Variants in GRID2 observed in about 807,000 individuals in gnomAD.
The protein encoded by GRID2 is glutamate ionotropic receptor delta type subunit 2.
GRID2 carries 33 observed loss-of-function variants against 114.8 expected under a neutral mutation model. The ratio of observed to expected loss-of-function variants is 0.29; its 90% CI spans 0.22 to 0.38. GRID2 has a LOEUF of 0.38. GRID2 is among the 10% of genes least tolerant of loss of function. The pLI is 1.00. For synonymous variants in GRID2, 505 were observed against 449.9 expected, an observed-to-expected ratio of 1.12 and a Z score of -1.55; for missense variants, 1,184 against 1,257.7, an observed-to-expected ratio of 0.94 and a Z score of 0.89.
At chr4:93,522,222 G>T (rs1215635776) in intron 13 of GRID2, among the ~76,000 whole-genome samples, 1 of 152,134 alleles carries the variant, frequency 6.6e-6, no homozygotes, top group African/African-American at 2.4e-5. Flanking sequence ...TTGACTGCTT[G>T]TATTATATTT....
chr4:93,152,244 T>G (rs1266961692), intron 4 of GRID2, among the ~76,000 whole-genome samples: 1 of 152,146 alleles, frequency 6.6e-6, no homozygotes, highest in Non-Finnish European at 1.5e-5. Context: ...TATCTAATTC[T>G]TTGTTTACTA....
chr4:93,192,747 CAAAAAAAA>C (rs775968274), intron 4 of GRID2, among the ~76,000 whole-genome samples: 5 of 43,750 alleles, frequency 1.1e-4, no homozygotes, highest in African/African-American at 4.0e-4. Context: ...AACTCCATCT[CAAAAAAAA>C]AAAAAAAAAA....
rs146876132 is a variant in GRID2 at position 93,071,176 on chromosome 4, G to A, written c.245-13819G>A. Among the ~76,000 whole-genome samples the A allele has an allele frequency of 3.3e-5, 5 of 152,146 alleles. No individual in the cohort carries two copies. The East Asian group carries it at 7.7e-4, about 24-fold the overall frequency. On this transcript the variant is annotated intron_variant, in intron 2 of 15. Transcript: ENST00000282020. ...ATTTAGGGATCTTCTTTATCAGCAG[G>A]AGTGGATTATTTCTGTAAAAAAAGT...
intron 2 of GRID2, among the ~76,000 whole-genome samples, chr4:92,628,688 T>C (rs1304688825): frequency 6.6e-6 from 1 of 152,020 alleles, no homozygotes. Flanking sequence ...TTTCAGCAAA[T>C]ACTTTTGTTT....
At chr4:93,120,969 ATAAAT>A (rs992113744) in intron 4 of GRID2, among the ~76,000 whole-genome samples, 7 of 152,232 alleles carry the variant, frequency 4.6e-5, no homozygotes, top group South Asian at 4.1e-4. Context: ...TATAAATAAA[ATAAAT>A]TAAAATAAAT....
At chr4:92,318,310 T>TATATATA (rs1726112902) in intron 1 of GRID2, among the ~76,000 whole-genome samples, 68 of 74,378 alleles carry the variant, frequency 9.1e-4, no homozygotes, top group South Asian at 1.9e-3. Flanking sequence ...ATATATATAT[T>TATATATA]TTTTTTTTTT....
intron 1 of GRID2, among the ~76,000 whole-genome samples, chr4:92,440,581 T>C (rs1384415437): frequency 6.6e-6 from 1 of 151,964 alleles, no homozygotes; most frequent in Non-Finnish European, 1.5e-5. Context: ...GATGGAACAC[T>C]GAGAAGTTAT....
intron 8 of GRID2, among the ~76,000 whole-genome samples, chr4:93,364,579 C>A (rs532231679): frequency 1.3e-5 from 2 of 152,088 alleles, no homozygotes; most frequent in African/African-American, 2.4e-5. Context: ...TCAAGCAATC[C>A]TCCCACCTCA....
intron 1 of GRID2, among the ~76,000 whole-genome samples, chr4:92,393,797 A>G (rs1560604254): frequency 6.6e-6 from 1 of 152,130 alleles, no homozygotes; most frequent in South Asian, 2.1e-4. Flanking sequence ...AGCTAACTCG[A>G]TGTTCATTTT....
chr4:92,756,309 T>C (rs1196288221), intron 2 of GRID2, among the ~76,000 whole-genome samples: 1 of 152,202 alleles, frequency 6.6e-6, no homozygotes, highest in East Asian at 1.9e-4. Context: ...TTTCATTGTG[T>C]ATACATACCA....
intron 1 of GRID2, among the ~76,000 whole-genome samples, chr4:92,387,907 G>C (rs922720247): frequency 1.3e-5 from 2 of 151,974 alleles, no homozygotes; most frequent in Admixed American, 6.6e-5. Context: ...AGATCTTTGG[G>C]TTCCATATTT....
At chr4:93,094,902 A>G (rs1202439653) in intron 3 of GRID2, among the ~76,000 whole-genome samples, 1 of 152,052 alleles carries the variant, frequency 6.6e-6, no homozygotes, top group Non-Finnish European at 1.5e-5. Context: ...TAATTAATTA[A>G]TTAATCAAGT....
chr4:93,618,191 ATTTG>A (rs1158591574), intron 13 of GRID2, among the ~76,000 whole-genome samples: 11 of 152,168 alleles, frequency 7.2e-5, no homozygotes, highest in African/African-American at 2.7e-4. Flanking sequence ...GGGCTGGATT[ATTTG>A]TTGTAGCCTC....
intron 1 of GRID2, among the ~76,000 whole-genome samples, chr4:92,469,677 G>A (rs895778366): frequency 2.4e-4 from 37 of 151,322 alleles, no homozygotes; most frequent in Non-Finnish European, 5.2e-4. Flanking sequence ...TAGAAAGAAA[G>A]GCATAAAAAT....
intron 14 of GRID2, among the ~76,000 whole-genome samples, chr4:93,722,198 G>A (rs1002200777): frequency 6.6e-6 from 1 of 151,986 alleles, no homozygotes; most frequent in African/African-American, 2.4e-5. Flanking sequence ...TTACAGGCAT[G>A]AGCCACCACG....
At chr4:92,540,596 T>C (rs993849423) in intron 1 of GRID2, among the ~76,000 whole-genome samples, 10 of 152,216 alleles carry the variant, frequency 6.6e-5, no homozygotes, top group East Asian at 1.9e-4. Flanking sequence ...CAATGAGATA[T>C]CATCTTACAC....
At chr4:92,475,359 G>T (rs560377434) in intron 1 of GRID2, among the ~76,000 whole-genome samples, 1 of 151,326 alleles carries the variant, frequency 6.6e-6, no homozygotes, top group Admixed American at 6.6e-5. Flanking sequence ...ATGATGTGAA[G>T]TAAGGATATA....
chr4:92,816,318 CAAAAAAA>C (rs764487348), intron 2 of GRID2, among the ~76,000 whole-genome samples: 9 of 48,252 alleles, frequency 1.9e-4, no homozygotes, highest in African/African-American at 6.4e-4. Context: ...TCTGTCTCAC[CAAAAAAA>C]AAAAAAAAAA....
intron 1 of GRID2, among the ~76,000 whole-genome samples, chr4:92,468,798 G>T (rs1721880411): frequency 6.6e-6 from 1 of 152,062 alleles, no homozygotes. Context: ...AATGTTTTAG[G>T]CTGGATTATA....
Sources: allele counts gnomAD v4.1 joint callset (sites outside exome capture counted in the v4.1 genomes callset), GRCh38; gene constraint gnomAD v4.1.1; transcripts MANE v1.5; gene names NCBI Gene and HGNC (gene_info 2026-07-23, HGNC 2026-07-21).